The following PRKG1 variants were observed in gnomAD, a reference collection of about 807,000 sequenced individuals.
PRKG1 encodes protein kinase cGMP-dependent 1.
In PRKG1, 35 loss-of-function variants were observed where a neutral mutation model predicts 88.1. The observed-to-expected ratio is 0.40, with a 90% CI of 0.30 to 0.53. The LOEUF (loss-of-function observed/expected upper bound fraction) is 0.53. Ranked by LOEUF, PRKG1 falls within the 20% of genes least tolerant of loss-of-function variation. The pLI, the probability that PRKG1 is intolerant of heterozygous loss-of-function variation, is 0.59. For missense variants in PRKG1, 540 were observed against 839.8 expected, an observed-to-expected ratio of 0.64 and a Z score of 4.41; for synonymous variants, 303 against 292.5, an observed-to-expected ratio of 1.04 and a Z score of -0.37.
At chr10:51,275,406 A>T (rs1190088169) in intron 2 of PRKG1, among the ~76,000 whole-genome samples, 1 of 152,240 alleles carries the variant, frequency 6.6e-6, no homozygotes, top group Non-Finnish European at 1.5e-5. Context: ...AAAGCAGTGA[A>T]ATTGGGAAAA....
intron 3 of PRKG1, chr10:51,699,492 C>A: frequency 6.2e-7 from 1 of 1,613,742 alleles, no homozygotes; most frequent in Non-Finnish European, 8.5e-7. Flanking sequence ...ATGTTCCCCA[C>A]GAACACGGAA....
intron 3 of PRKG1, among the ~76,000 whole-genome samples, chr10:51,515,083 TC>T: frequency 6.6e-6 from 1 of 152,252 alleles, no homozygotes; most frequent in East Asian, 1.9e-4. Flanking sequence ...ACACCCTGCC[TC>T]CCATGAGACA....
At chr10:52,058,778 A>G (rs1210141535) in intron 6 of PRKG1, among the ~76,000 whole-genome samples, 1 of 152,006 alleles carries the variant, frequency 6.6e-6, no homozygotes, top group Non-Finnish European at 1.5e-5. Flanking sequence ...CCACCAGCAC[A>G]ATCCATAAAG....
chr10:52,276,636 T>A (rs943520060), intron 12 of PRKG1, among the ~76,000 whole-genome samples: 1 of 152,160 alleles, frequency 6.6e-6, no homozygotes, highest in African/African-American at 2.4e-5. Flanking sequence ...CTCACTGGTT[T>A]TAATTGAAAT....
chr10:51,138,824 A>T (rs758339697), intron 1 of PRKG1, among the ~76,000 whole-genome samples: 2 of 151,524 alleles, frequency 1.3e-5, no homozygotes, highest in Non-Finnish European at 2.9e-5. Context: ...CTGGGATTAC[A>T]GGCATGCGCC....
chr10:52,054,901 G>A lies in PRKG1; in HGVS notation c.840+340G>A, dbSNP rs112098410. Among the ~76,000 whole-genome samples the A allele has an allele frequency of 6.8e-3, 1,034 of 152,258 alleles. 8 individuals carry two copies. The highest frequency in any genetic ancestry group is 0.022 in the African/African-American group (911 of 41,572). On this transcript the variant is annotated intron_variant, in intron 6 of 17. Transcript: ENST00000373980. ...TGTAACCTCAGCACTTTGGGAGGCC[G>A]AGGCAGGTGGATCACTCGAGCTCAG...
chr10:51,898,610 G>A (rs542629833), intron 4 of PRKG1, among the ~76,000 whole-genome samples: 7 of 152,226 alleles, frequency 4.6e-5, no homozygotes, highest in East Asian at 1.9e-4. Flanking sequence ...AAAGGAGGGA[G>A]GATCACTTGA....
At chr10:51,020,091 G>T (rs1466933978) in intron 1 of PRKG1, among the ~76,000 whole-genome samples, 2 of 152,108 alleles carry the variant, frequency 1.3e-5, no homozygotes, top group Non-Finnish European at 2.9e-5. Flanking sequence ...ATAGTATGAT[G>T]GTTTCTCAAA....
chr10:51,607,161 C>T (rs962028054), intron 3 of PRKG1, among the ~76,000 whole-genome samples: 2 of 152,176 alleles, frequency 1.3e-5, no homozygotes, highest in Admixed American at 6.5e-5. Flanking sequence ...TAGACTCTCA[C>T]TGAGAGGCTT....
At chr10:51,617,686 T>A (rs537860750) in intron 3 of PRKG1, among the ~76,000 whole-genome samples, 1 of 152,328 alleles carries the variant, frequency 6.6e-6, no homozygotes, top group Admixed American at 6.5e-5. Flanking sequence ...GGCTATACCA[T>A]CTGTGTGCCA....
intron 3 of PRKG1, among the ~76,000 whole-genome samples, chr10:51,557,346 C>A (rs192760078): frequency 1.2e-5 from 1 of 86,322 alleles, no homozygotes; most frequent in African/African-American, 2.8e-5. Flanking sequence ...TACACCACCA[C>A]CCCCCCACCA....
intron 10 of PRKG1, among the ~76,000 whole-genome samples, chr10:52,268,593 G>A (rs1209292587): frequency 2.0e-5 from 3 of 152,064 alleles, no homozygotes; most frequent in South Asian, 2.1e-4. Context: ...AGTCGATTCC[G>A]TTAAACTCTG....
At chr10:51,765,614 T>C (rs1250411459) in intron 3 of PRKG1, among the ~76,000 whole-genome samples, 2 of 152,158 alleles carry the variant, frequency 1.3e-5, no homozygotes, top group African/African-American at 2.4e-5. Context: ...TAAATTAATA[T>C]ATTACATTTC....
At chr10:51,171,780 G>T (rs1564626290) in intron 2 of PRKG1, among the ~76,000 whole-genome samples, 1 of 151,956 alleles carries the variant, frequency 6.6e-6, no homozygotes, top group Non-Finnish European at 1.5e-5. Context: ...GCAACTTAAG[G>T]TCAGGAACTA....
chr10:51,913,087 C>T (rs1454318988), intron 5 of PRKG1, among the ~76,000 whole-genome samples: 1 of 152,056 alleles, frequency 6.6e-6, no homozygotes, highest in Non-Finnish European at 1.5e-5. Flanking sequence ...TGCCTCCATA[C>T]CTGATTAATT....
intron 5 of PRKG1, among the ~76,000 whole-genome samples, chr10:52,007,194 C>A (rs1315831409): frequency 2.0e-5 from 3 of 152,144 alleles, no homozygotes; most frequent in Non-Finnish European, 4.4e-5. Context: ...GACAAGTAAA[C>A]TATAAAGCAA....
intron 2 of PRKG1, among the ~76,000 whole-genome samples, chr10:51,271,509 G>A (rs1839979874): frequency 6.6e-6 from 1 of 152,154 alleles, no homozygotes; most frequent in African/African-American, 2.4e-5. Context: ...GTATCACTTA[G>A]ACACTGAGCC....
At chr10:51,660,805 G>A (rs184184024) in intron 3 of PRKG1, among the ~76,000 whole-genome samples, 20 of 152,108 alleles carry the variant, frequency 1.3e-4, no homozygotes, top group Admixed American at 3.9e-4. Flanking sequence ...GGGTAAAAAG[G>A]GTTGCATGCA....
chr10:51,210,033 G>A (rs74485911), intron 2 of PRKG1, among the ~76,000 whole-genome samples: 105 of 151,960 alleles, frequency 6.9e-4, no homozygotes, highest in African/African-American at 1.6e-3. Flanking sequence ...CAATTTTCTC[G>A]CAATAAAAAA....
Sources: gnomAD v4.1 joint callset for allele counts (sites outside exome capture counted in the v4.1 genomes callset) on GRCh38, gnomAD v4.1.1 for gene constraint, MANE v1.5 for transcripts, NCBI Gene and HGNC (gene_info 2026-07-23, HGNC 2026-07-21) for gene names.